Variants in RIOK3 observed in about 807,000 individuals in gnomAD.
RIOK3 encodes the protein RIO kinase 3.
A neutral mutation model predicts 63.5 loss-of-function variants in RIOK3; 40 were observed. The ratio of observed to expected loss-of-function variants is 0.63; its 90% CI spans 0.49 to 0.82. RIOK3 has a LOEUF of 0.82. RIOK3 is among the 40% of genes least tolerant of loss of function. RIOK3 has a pLI of 0.00. For synonymous variants in RIOK3, 193 were observed against 205.0 expected (o/e 0.94, Z 0.50); for missense variants, 557 against 637.0 (o/e 0.87, Z 1.35).
intron 7 of RIOK3, among the ~76,000 whole-genome samples, chr18:23,471,463 A>G (rs1389477520): frequency 2.6e-5 from 4 of 152,166 alleles, no homozygotes; most frequent in Non-Finnish European, 5.9e-5. Context: ...AGGATTTTGT[A>G]GGCCAGGGTA....
chr18:23,477,784 A>T (rs981849160), intron 11 of RIOK3, among the ~76,000 whole-genome samples: 9 of 143,684 alleles, frequency 6.3e-5, no homozygotes, highest in South Asian at 2.2e-4. Context: ...AAAAAAAAAA[A>T]ATATGCCAGG....
intron 7 of RIOK3, among the ~76,000 whole-genome samples, chr18:23,469,825 A>G (rs1399709649): frequency 1.3e-5 from 2 of 152,104 alleles, no homozygotes; most frequent in African/African-American, 2.4e-5. Context: ...TGGTCAGGCA[A>G]TCAACAATTA....
chr18:23,464,179 A>T, intron 3 of RIOK3, 27 bp from the exon 4 acceptor site: 1 of 1,610,496 alleles, frequency 6.2e-7, no homozygotes, highest in Non-Finnish European at 8.5e-7. Context: ...CTCCTAAGTA[A>T]ATCTTCAACT....
At chr18:23,465,769 T>G (rs2057402630) in intron 5 of RIOK3, among the ~76,000 whole-genome samples, 2 of 152,252 alleles carry the variant, frequency 1.3e-5, no homozygotes, top group South Asian at 2.1e-4. Context: ...CAACCCACTC[T>G]CCACAAATAA....
At chr18:23,458,769 G>A (rs1009514278) in intron 1 of RIOK3, among the ~76,000 whole-genome samples, 1 of 152,164 alleles carries the variant, frequency 6.6e-6, no homozygotes, top group African/African-American at 2.4e-5. Context: ...CTGAGCACTT[G>A]GGATAGCAAA....
Position 23,474,986 on chromosome 18 carries a change from T to G in RIOK3, c.1052T>G (p.Leu351Arg). ...GGAATTCCTTGTCCAACAGTTGTAC[T>G]ACTGAAGAAACACATTTTAGTTATG... ...RAGIPCPTVV[L>R]LKKHILVMSF... The change falls in exon 9 of 13, where the codon CTA (leucine) becomes CGA (arginine). Residue 351 changes from leucine (L) to arginine (R), a missense_variant. This residue lies in a region of RIOK3 where 309 missense variants were observed against 338.7 expected (regional missense o/e 0.91). Coordinates refer to ENST00000339486, the MANE Select transcript of RIOK3 (RefSeq NM_003831.5). 6.2e-7 allele frequency: 1 copy of G among 1,611,760 alleles called. No homozygotes were observed. Among genetic ancestry groups the G allele is most frequent in the East Asian group, 2.2e-5 (1 of 44,840 alleles).
At chr18:23,458,862 G>C (rs999808362) in intron 1 of RIOK3, among the ~76,000 whole-genome samples, 1 of 152,194 alleles carries the variant, frequency 6.6e-6, no homozygotes, top group African/African-American at 2.4e-5. Flanking sequence ...AAAGTGTATG[G>C]AGGGCTTTTA....
intron 7 of RIOK3, among the ~76,000 whole-genome samples, chr18:23,472,168 G>A (rs2145693851): frequency 6.6e-6 from 1 of 152,148 alleles, no homozygotes; most frequent in African/African-American, 2.4e-5. Flanking sequence ...GGGAGGTGGA[G>A]GTTGCAGTGA....
intron 8 of RIOK3, 151 bp downstream of exon 8, chr18:23,473,777 T>C: frequency 1.7e-6 from 1 of 604,198 alleles, no homozygotes; most frequent in Non-Finnish European, 2.8e-6. Flanking sequence ...GAAAAAGCCA[T>C]TTTCTTTTTT....
At chr18:23,467,186 C>T (rs901635686) in intron 6 of RIOK3, among the ~76,000 whole-genome samples, 5 of 151,890 alleles carry the variant, frequency 3.3e-5, no homozygotes, top group East Asian at 1.9e-4. Flanking sequence ...TGGTGGCGGG[C>T]GCCTGTAATC....
chr18:23,474,946 A>G lies in RIOK3; in HGVS notation c.1014-2A>G. The G allele has an allele frequency of 6.2e-7, 1 of 1,600,302 alleles. No individual in the cohort carries two copies. Among genetic ancestry groups the G allele is most frequent in the Non-Finnish European group, 8.6e-7 (1 of 1,169,128 alleles). ...TATTCTGAATCATTTCTTTATGTAT[A>G]GAATGCAGAGAGCTGGAATTCCTTG... On this transcript the variant is annotated splice_acceptor_variant, in intron 8 of 12. Transcript: ENST00000339486. LOFTEE classifies it high-confidence loss of function.
intron 10 of RIOK3, 39 bp downstream of exon 10, chr18:23,477,125 T>C (rs921057411): frequency 5.0e-6 from 8 of 1,611,286 alleles, no homozygotes; most frequent in Admixed American, 3.3e-5. Context: ...ATTTAATTAC[T>C]GTAAGTAAAA....
intron 1 of RIOK3, among the ~76,000 whole-genome samples, chr18:23,458,311 G>A (rs1464848767): frequency 6.6e-6 from 1 of 152,094 alleles, no homozygotes; most frequent in East Asian, 1.9e-4. Flanking sequence ...TGGAAGGAAA[G>A]GGAGATGATT....
intron 1 of RIOK3, 75 bp from the exon 2 acceptor site, chr18:23,462,889 T>C: frequency 3.1e-6 from 2 of 645,194 alleles, no homozygotes; most frequent in Non-Finnish European, 5.0e-6. Flanking sequence ...TCTCAAAATA[T>C]AACATTATTT....
intron 7 of RIOK3, 46 bp from the exon 8 acceptor site, chr18:23,473,383 G>T: frequency 8.5e-7 from 1 of 1,173,700 alleles, no homozygotes; most frequent in Non-Finnish European, 1.2e-6. Flanking sequence ...TGTTGTACTT[G>T]TGAGCTGGCA....
At chr18:23,475,462 C>CAAAAAAA (rs60717269) in intron 9 of RIOK3, among the ~76,000 whole-genome samples, 55 of 99,310 alleles carry the variant, frequency 5.5e-4, no homozygotes, top group Admixed American at 1.9e-3. Flanking sequence ...GACTCTGTCT[C>CAAAAAAA]AAAAAAAAAA....
chr18:23,474,989 T>C lies in RIOK3; in HGVS notation c.1055T>C (p.Leu352Pro), dbSNP rs1165065053. The change falls in exon 9 of 13, where the codon CTG (leucine) becomes CCG (proline). Residue 352 changes from leucine to proline, a missense_variant. Transcript: ENST00000339486. ...AGIPCPTVVL[L>P]KKHILVMSFI... The stretch of plus-strand genomic sequence containing the variant: ...ATTCCTTGTCCAACAGTTGTACTAC[T>C]GAAGAAACACATTTTAGTTATGTCT... The C allele has an allele frequency of 2.5e-6, 4 of 1,612,010 alleles. No individual in the cohort carries two copies. In the South Asian group the frequency reaches 4.4e-5, roughly 18 times the overall value.
rs757077367 is a variant in RIOK3 at position 23,475,039 on chromosome 18, G to C, written c.1105G>C (p.Ala369Pro). The C allele has an allele frequency of 3.1e-6, 5 of 1,613,188 alleles. No homozygotes were observed. The highest frequency in any genetic ancestry group is 3.4e-6 in the Non-Finnish European group (4 of 1,179,240). ...MSFIGHDQVP[A>P]PKLKEVKLNS... ...TTTTATTGGCCATGATCAAGTTCCA[G>C]CCCCTAAATTAAAAGAAGTAAAGCT... Residue 369 changes from alanine to proline, a missense_variant, in exon 9 of 13, where the codon GCC (alanine) becomes CCC (proline). Physicochemically the swap from Ala to Pro is conservative, Grantham distance 27. This residue lies in a region of RIOK3 where 309 missense variants were observed against 338.7 expected (regional missense o/e 0.91). Transcript: ENST00000339486.
chr18:23,462,234 G>A (rs950113089), intron 1 of RIOK3, among the ~76,000 whole-genome samples: 1 of 140,962 alleles, frequency 7.1e-6, no homozygotes, highest in Non-Finnish European at 1.5e-5. Context: ...TAACCTCCCA[G>A]GTTCAAGCGA....
Sources: gnomAD v4.1 joint callset for allele counts (sites outside exome capture counted in the v4.1 genomes callset) on GRCh38, gnomAD v4.1.1 for gene constraint, gnomAD v4.1.1 regional missense constraint, MANE v1.5 for transcripts, NCBI Gene and HGNC (gene_info 2026-07-23, HGNC 2026-07-21) for gene names.